CSMD1: variants seen among roughly 807,000 people sequenced by gnomAD.
The protein encoded by CSMD1 is CUB and sushi domain-containing protein 1.
Under a neutral mutation model 417.5 loss-of-function variants are expected in CSMD1, and 213 were observed. The observed-to-expected ratio is 0.51, with a 90% confidence interval of 0.46 to 0.57. CSMD1 has a LOEUF of 0.57. Ranked by LOEUF, CSMD1 falls within the 20% of genes least tolerant of loss-of-function variation. The probability of loss-of-function intolerance (pLI) is 0.00; values close to 1 mark genes in which losing one functional copy is unlikely to be tolerated. For missense variants in CSMD1, 6,923 were observed against 4,529.7 expected, an observed-to-expected ratio of 1.53 and a Z score of -15.17; for synonymous variants, 2,862 against 1,736.8, an observed-to-expected ratio of 1.65 and a Z score of -16.11.
At chr8:4,433,600 A>T (rs1797990987) in intron 2 of CSMD1, among the ~76,000 whole-genome samples, 1 of 152,148 alleles carries the variant, frequency 6.6e-6, no homozygotes, top group South Asian at 2.1e-4. Flanking sequence ...TTAAAATGGG[A>T]AACGACAAAT....
chr8:3,931,908 A>G (rs1016076249), intron 5 of CSMD1, among the ~76,000 whole-genome samples: 1 of 149,386 alleles, frequency 6.7e-6, no homozygotes, highest in African/African-American at 2.5e-5. Flanking sequence ...GAAACAGAAA[A>G]AAAAAAAAGA....
At chr8:4,883,884 G>A (rs538658863) in intron 1 of CSMD1, among the ~76,000 whole-genome samples, 1 of 152,068 alleles carries the variant, frequency 6.6e-6, no homozygotes, top group East Asian at 1.9e-4. Context: ...GTAACTTTAT[G>A]TCTAACATTT....
At chr8:3,032,338 G>C (rs988763326) in intron 50 of CSMD1, among the ~76,000 whole-genome samples, 1 of 151,972 alleles carries the variant, frequency 6.6e-6, no homozygotes, top group Non-Finnish European at 1.5e-5. Flanking sequence ...GAGGATGCCA[G>C]ACCATTTTCC....
At position 4,212,960 on chromosome 8, in the gene CSMD1, A is replaced by C. The variant is rs942276092; in HGVS notation, c.416-180861T>G. ...TTTCCTTCCCTCATACCCACTGAAG[A>C]CCTAACACCTAGCGTTGGCTTCCAA... On this transcript the variant is annotated intron_variant, in intron 3 of 69. Transcript: ENST00000635120. 2.0e-4 allele frequency among the ~76,000 whole-genome samples: 30 copies of C among 151,974 alleles called. 1 individual carries two copies. Among genetic ancestry groups the C allele is most frequent in the Non-Finnish European group, 5.9e-5 (4 of 68,012 alleles).
At chr8:4,234,644 A>T (rs1158378586) in intron 3 of CSMD1, among the ~76,000 whole-genome samples, 1 of 152,146 alleles carries the variant, frequency 6.6e-6, no homozygotes, top group Middle Eastern at 3.2e-3. Flanking sequence ...GGAAGATTGC[A>T]CCTGACGAAT....
At chr8:4,106,471 C>G (rs1015767791) in intron 3 of CSMD1, among the ~76,000 whole-genome samples, 2 of 152,150 alleles carry the variant, frequency 1.3e-5, no homozygotes, top group East Asian at 1.9e-4. Flanking sequence ...TTCATTCTCT[C>G]TGCATTGCTC....
chr8:4,913,009 G>A (rs970999613), intron 1 of CSMD1, among the ~76,000 whole-genome samples: 3 of 152,006 alleles, frequency 2.0e-5, no homozygotes, highest in Non-Finnish European at 4.4e-5. Flanking sequence ...GGATAGTCTC[G>A]AACTCCTGAC....
intron 1 of CSMD1, among the ~76,000 whole-genome samples, chr8:4,905,990 A>G (rs1192776809): frequency 1.3e-5 from 2 of 152,114 alleles, no homozygotes; most frequent in Non-Finnish European, 2.9e-5. Flanking sequence ...CGGCAACACC[A>G]CTTTTGGCAG....
chr8:3,578,539 C>T (rs1188927317), intron 9 of CSMD1, among the ~76,000 whole-genome samples: 1 of 152,140 alleles, frequency 6.6e-6, no homozygotes, highest in Non-Finnish European at 1.5e-5. Flanking sequence ...TATTGGGGGG[C>T]TGTATTGAAT....
chr8:3,896,596 C>T (rs944683582), intron 5 of CSMD1, among the ~76,000 whole-genome samples: 7 of 152,026 alleles, frequency 4.6e-5, no homozygotes, highest in Non-Finnish European at 8.8e-5. Context: ...ACCGCAAGCT[C>T]TGCCTCCCAG....
chr8:3,656,803 T>C (rs546152359), intron 7 of CSMD1, among the ~76,000 whole-genome samples: 3 of 152,094 alleles, frequency 2.0e-5, no homozygotes, highest in Non-Finnish European at 4.4e-5. Flanking sequence ...GGCATCCCTG[T>C]AGTCCCAGCT....
chr8:4,758,452 G>A (rs1007363531), intron 1 of CSMD1, among the ~76,000 whole-genome samples: 4 of 152,172 alleles, frequency 2.6e-5, no homozygotes, highest in East Asian at 1.9e-4. Context: ...TAAAGGAAGC[G>A]TGAGCAAGGA....
At chr8:3,364,080 C>A (rs570417318) in intron 20 of CSMD1, among the ~76,000 whole-genome samples, 1 of 152,168 alleles carries the variant, frequency 6.6e-6, no homozygotes, top group South Asian at 2.1e-4. Flanking sequence ...ATATGAATAC[C>A]ATTTATGATA....
intron 3 of CSMD1, among the ~76,000 whole-genome samples, chr8:4,227,253 A>G (rs1372107006): frequency 2.0e-5 from 3 of 152,162 alleles, no homozygotes; most frequent in African/African-American, 7.2e-5. Context: ...CATTAGCAAC[A>G]TGGACGAGCA....
At chr8:3,110,011 A>T (rs1013833482) in intron 43 of CSMD1, 147 bp downstream of exon 43, 2 of 675,112 alleles carry the variant, frequency 3.0e-6, no homozygotes, top group Non-Finnish European at 4.8e-6. Flanking sequence ...TTGATTCCCT[A>T]TATCTCTGGA....
At chr8:3,597,318 C>A (rs549177134) in intron 8 of CSMD1, among the ~76,000 whole-genome samples, 1 of 152,070 alleles carries the variant, frequency 6.6e-6, no homozygotes, top group African/African-American at 2.4e-5. Flanking sequence ...CTTCCCAGCA[C>A]GTTTGGCATC....
intron 1 of CSMD1, among the ~76,000 whole-genome samples, chr8:4,666,151 A>T (rs1052770016): frequency 6.6e-6 from 1 of 152,168 alleles, no homozygotes; most frequent in Non-Finnish European, 1.5e-5. Context: ...CATACAGCAC[A>T]TCCTGGGATG....
intron 2 of CSMD1, among the ~76,000 whole-genome samples, chr8:4,578,050 G>C (rs1169998497): frequency 6.6e-6 from 1 of 152,152 alleles, no homozygotes; most frequent in African/African-American, 2.4e-5. Context: ...ACTCATTAAT[G>C]TGTGTAAAAA....
intron 1 of CSMD1, among the ~76,000 whole-genome samples, chr8:4,655,519 C>A (rs1333250096): frequency 6.6e-6 from 1 of 152,016 alleles, no homozygotes; most frequent in African/African-American, 2.4e-5. Context: ...AAGAGGATCT[C>A]AAATTGTAAT....
Sources: gnomAD v4.1 joint callset for allele counts (sites outside exome capture counted in the v4.1 genomes callset) on GRCh38, gnomAD v4.1.1 for gene constraint, MANE v1.5 for transcripts, NCBI Gene and HGNC (gene_info 2026-07-23, HGNC 2026-07-21) for gene names.